The following AVEN variants were observed in gnomAD, a reference collection of about 807,000 sequenced individuals.
The protein encoded by AVEN is cell death regulator Aven.
A neutral mutation model predicts 38.1 loss-of-function variants in AVEN; 41 were observed. The observed-to-expected ratio is 1.08, with a 90% CI of 0.84 to 1.40. AVEN has a LOEUF of 1.40. Among genes scored for constraint, AVEN ranks in the 40% most tolerant of loss-of-function variants. The pLI is 0.00. For synonymous variants in AVEN, 206 were observed against 171.8 expected, an observed-to-expected ratio of 1.20 and a Z score of -1.56; for missense variants, 605 against 438.8, an observed-to-expected ratio of 1.38 and a Z score of -3.38.
At chr15:33,969,052 T>C (rs542122269) in intron 2 of AVEN, 1 of 152,028 alleles carries the variant, frequency 6.6e-6, no homozygotes, top group South Asian at 2.1e-4. Context: ...ACTGGCAAAA[T>C]AAAACATGAA....
chr15:33,883,861 G>C (rs1308951166), intron 2 of AVEN: 6 of 152,160 alleles, frequency 3.9e-5, no homozygotes, highest in South Asian at 4.1e-4. Flanking sequence ...AATATTCAGA[G>C]ACTTCAAAAG....
chr15:33,896,098 T>C (rs1892222023), intron 2 of AVEN, among the ~76,000 whole-genome samples: 1 of 152,164 alleles, frequency 6.6e-6, no homozygotes, highest in Admixed American at 6.5e-5. Context: ...TTAAACTGTT[T>C]CCAAGTAACT....
At chr15:33,880,393 AAGAAAGCTCTGCTAGTCTTACAGCACTGG>A (rs1567393154) in intron 2 of AVEN, among the ~76,000 whole-genome samples, 1 of 152,182 alleles carries the variant, frequency 6.6e-6, no homozygotes, top group African/African-American at 2.4e-5. Flanking sequence ...TGTAAAGCTG[AAGAAAGCTCTGCTAGTCTTACAGCACTGG>A]GAGGACAAAA....
chr15:33,870,102 C>A (rs887386895), intron 4 of AVEN, among the ~76,000 whole-genome samples: 1 of 152,106 alleles, frequency 6.6e-6, no homozygotes, highest in Admixed American at 6.6e-5. Flanking sequence ...TTTTTCTTGA[C>A]CACTCTCTCC....
In AVEN at chr15:33,922,441, T is replaced by TA. The variant is rs141916341; in HGVS notation, c.446-46447_446-46446insT. 5.3e-5 allele frequency among the ~76,000 whole-genome samples: 8 copies of TA among 151,786 alleles called. No individual in the cohort carries two copies. The South Asian group carries it at 1.2e-3, about 24-fold the overall frequency. On this transcript the variant is annotated intron_variant, in intron 2 of 5. Transcript: ENST00000306730. ...TGTGAATGTGATTTGACACTTTTTT[T>TA]TCTCTTATTTTTGAGACAGGGTCTC...
At chr15:33,866,100 A>G (rs910212051), downstream of AVEN, 1 of 159,414 alleles carries the variant, frequency 6.3e-6, no homozygotes, top group African/African-American at 2.4e-5. Flanking sequence ...ATACGTACCA[A>G]TACCTCCAGG....
intron 2 of AVEN, among the ~76,000 whole-genome samples, chr15:33,997,454 C>T (rs537537207): frequency 6.6e-6 from 1 of 152,262 alleles, no homozygotes; most frequent in South Asian, 2.1e-4. Flanking sequence ...ACTCCAAAGA[C>T]GAGGTCTCCA....
At chr15:34,032,008 C>T (rs547107410) in intron 1 of AVEN, among the ~76,000 whole-genome samples, 1 of 116,670 alleles carries the variant, frequency 8.6e-6, no homozygotes, top group African/African-American at 2.7e-5. Context: ...TCAACACACA[C>T]ATACGCGCGC....
chr15:33,935,201 C>G (rs779297997), intron 2 of AVEN, among the ~76,000 whole-genome samples: 1 of 152,160 alleles, frequency 6.6e-6, no homozygotes, highest in Non-Finnish European at 1.5e-5. Flanking sequence ...TTGAAAACAT[C>G]TCTTTCCACA....
intron 2 of AVEN, among the ~76,000 whole-genome samples, chr15:33,973,132 C>T (rs1307289269): frequency 6.6e-6 from 1 of 152,140 alleles, no homozygotes; most frequent in Non-Finnish European, 1.5e-5. Context: ...AAAACATTAC[C>T]ACTTTTATAG....
intron 2 of AVEN, among the ~76,000 whole-genome samples, chr15:33,936,602 T>C (rs990000211): frequency 6.6e-6 from 1 of 152,128 alleles, no homozygotes; most frequent in Non-Finnish European, 1.5e-5. Context: ...ACAAAATCTA[T>C]ACATTTGGGG....
intron 3 of AVEN, among the ~76,000 whole-genome samples, chr15:33,872,838 G>C (rs774142686): frequency 3.3e-5 from 5 of 152,094 alleles, no homozygotes; most frequent in Non-Finnish European, 7.3e-5. Context: ...AAAGGTATGA[G>C]AATCCCACTT....
chr15:33,852,969 C>T, the AVEN span: 15 of 1,307,780 alleles, frequency 1.1e-5, no homozygotes, highest in African/African-American at 1.5e-4. Context: ...TCCAGGCACT[C>T]AAACTGAAAC....
intron 1 of AVEN, among the ~76,000 whole-genome samples, chr15:34,020,526 C>T (rs193210319): frequency 3.2e-4 from 48 of 152,270 alleles, no homozygotes; most frequent in Non-Finnish European, 6.3e-4. Context: ...AGGGTTAATG[C>T]CATCATCTGG....
chr15:33,895,141 T>G (rs902902546), intron 2 of AVEN, among the ~76,000 whole-genome samples: 7 of 152,070 alleles, frequency 4.6e-5, no homozygotes, highest in African/African-American at 1.7e-4. Context: ...TGGGCACCCT[T>G]CTGAATTCAA....
chr15:33,975,161 A>G (rs1895830240), intron 2 of AVEN, among the ~76,000 whole-genome samples: 1 of 151,504 alleles, frequency 6.6e-6, no homozygotes, highest in African/African-American at 2.4e-5. Flanking sequence ...TCTCTTCTAC[A>G]CTCTCTCCTC....
chr15:34,075,181 C>CAAAAAAAA (rs58860397), upstream of AVEN, among the ~76,000 whole-genome samples: 3 of 67,292 alleles, frequency 4.5e-5, no homozygotes, highest in Non-Finnish European at 5.9e-5. Flanking sequence ...GACTCTGGCT[C>CAAAAAAAA]AAAAAAAAAA....
At chr15:34,007,386 C>T (rs1897402759) in intron 1 of AVEN, among the ~76,000 whole-genome samples, 1 of 152,202 alleles carries the variant, frequency 6.6e-6, no homozygotes, top group East Asian at 1.9e-4. Flanking sequence ...CGGCCCCTTA[C>T]ATATTCATAT....
At chr15:34,066,640 C>G (rs1402714020) in intron 3 of AVEN, 2 of 151,976 alleles carry the variant, frequency 1.3e-5, no homozygotes, top group Non-Finnish European at 2.9e-5. Flanking sequence ...CCTGTCTCTA[C>G]AAAAAAAATT....
Sources: allele counts gnomAD v4.1 joint callset (sites outside exome capture counted in the v4.1 genomes callset), GRCh38; gene constraint gnomAD v4.1.1; transcripts MANE v1.5; gene names NCBI Gene and HGNC (gene_info 2026-07-23, HGNC 2026-07-21).